MYOM2: variants seen among roughly 807,000 people sequenced by gnomAD.
MYOM2 encodes myomesin 2, also known as myomesin-2.
In MYOM2, 254 loss-of-function variants were observed where a neutral mutation model predicts 187.6. The observed-to-expected ratio is 1.35, with a 90% CI of 1.22 to 1.50. The LOEUF is 1.50. Among genes scored for constraint, MYOM2 ranks in the 40% most tolerant of loss-of-function variants. The pLI, the probability that MYOM2 is intolerant of heterozygous loss-of-function variation, is 0.00. For synonymous variants in MYOM2, 981 were observed against 753.8 expected, an observed-to-expected ratio of 1.30 and a Z score of -4.94; for missense variants, 2,796 against 1,924.0, an observed-to-expected ratio of 1.45 and a Z score of -8.48.
intron 6 of MYOM2, 112 bp from the exon 7 acceptor site, chr8:2,069,166 A>G: frequency 9.8e-7 from 1 of 1,024,308 alleles, no homozygotes; most frequent in Non-Finnish European, 1.4e-6. Context: ...TCACTCATGA[A>G]CAAATAAACC....
At chr8:2,114,259 G>A (rs113352593) in intron 25 of MYOM2, among the ~76,000 whole-genome samples, 1 of 152,216 alleles carries the variant, frequency 6.6e-6, no homozygotes, top group Non-Finnish European at 1.5e-5. Context: ...AAGCAGCAGA[G>A]AGGCAGGTAG....
At chr8:2,107,102 A>T (rs1041341660) in intron 23 of MYOM2, among the ~76,000 whole-genome samples, 1 of 152,162 alleles carries the variant, frequency 6.6e-6, no homozygotes. Flanking sequence ...ATCAAGGGGA[A>T]AAACAATAGT....
At chr8:2,139,284 G>T (rs550005072) in intron 32 of MYOM2, among the ~76,000 whole-genome samples, 1 of 152,250 alleles carries the variant, frequency 6.6e-6, no homozygotes, top group East Asian at 1.9e-4. Flanking sequence ...TGAGACTACA[G>T]GTGCTTGCCA....
chr8:2,066,282 C>T (rs1324881544), intron 6 of MYOM2, among the ~76,000 whole-genome samples: 1 of 152,204 alleles, frequency 6.6e-6, no homozygotes, highest in Non-Finnish European at 1.5e-5. Context: ...TCTGAGTCCA[C>T]CTGGCTTGTG....
At chr8:2,130,915 AATC>A (rs1797841549) in intron 32 of MYOM2, among the ~76,000 whole-genome samples, 1 of 152,204 alleles carries the variant, frequency 6.6e-6, no homozygotes, top group African/African-American at 2.4e-5. Flanking sequence ...AAGGAGAATT[AATC>A]ATCAGCATCT....
chr8:2,122,188 G>C (rs116471877), intron 28 of MYOM2, among the ~76,000 whole-genome samples: 7 of 152,208 alleles, frequency 4.6e-5, no homozygotes, highest in Non-Finnish European at 1.0e-4. Flanking sequence ...ATTTTGAAAT[G>C]TTAAAGTAAA....
intron 20 of MYOM2, chr8:2,101,934 T>G (rs1297869544): frequency 6.6e-6 from 1 of 152,276 alleles, no homozygotes; most frequent in Non-Finnish European, 1.5e-5. Context: ...GGGTCAGGTG[T>G]AAGGACTGAG....
chr8:2,133,918 A>G (rs1346032063), intron 32 of MYOM2, among the ~76,000 whole-genome samples: 1 of 124,066 alleles, frequency 8.1e-6, no homozygotes, highest in African/African-American at 3.9e-5. Context: ...TTGAGAAGAA[A>G]GTAAGGAGTT....
At chr8:2,069,579 G>T in intron 8 of MYOM2, 82 bp downstream of exon 8, 4 of 1,537,940 alleles carry the variant, frequency 2.6e-6, no homozygotes, top group Non-Finnish European at 3.6e-6. Context: ...TTTCCTAAGG[G>T]CCAAATCTTT....
In MYOM2 at chr8:2,100,116, CCTTCCTTCCTTCT is replaced by C. The variant is rs2116772628; in HGVS notation, c.2441-759_2441-747del. Among the ~76,000 whole-genome samples the C allele has an allele frequency of 1.2e-4, 12 of 98,698 alleles. No individual in the cohort carries two copies. In the South Asian group the frequency reaches 1.5e-3, roughly 12 times the overall value. The allele number at this position is 98,698 out of a possible 152,430, so 64.7% of individuals were successfully genotyped here. A position where few individuals can be genotyped will look rare whatever the true frequency, so the allele number is the denominator to read the frequency against. ...TCCTTCCTTCCTTCCTTCTTTCTTT[CCTTCCTTCCTTCT>C]TTCCTTCCTTCCTTCCTTCCTTCCT... On this transcript the variant is annotated intron_variant, in intron 19 of 36. Transcript: ENST00000262113.
In MYOM2 at chr8:2,144,908, T is replaced by C. The variant is rs1056380810; in HGVS notation, c.4325T>C (p.Ile1442Thr). 1 of 1,613,828 alleles carries C rather than the reference T, an allele frequency of 6.2e-7. No homozygotes were observed. Among genetic ancestry groups the C allele is most frequent in the Non-Finnish European group, 8.5e-7 (1 of 1,179,978 alleles). ...AGCGTGTACAAACACGGGGAGAAGA[T>C]CCCGGACATGGCCCCGCCCCAGCAA... ...TVSVYKHGEK[I>T]PDMAPPQQAK... The change falls in exon 37 of 37, where the codon ATC (isoleucine) becomes ACC (threonine). Residue 1442 changes from isoleucine (I) to threonine (T), a missense_variant. Ile to Thr is a moderately conservative substitution (Grantham distance 89). Coordinates refer to ENST00000262113, the MANE Select transcript of MYOM2 (RefSeq NM_003970.4).
Position 2,073,471 on chromosome 8 carries a change from G to C in MYOM2, c.1091G>C (p.Ser364Thr), listed in dbSNP as rs1464130805. ...CGCATCGTGTCTCGGGGCGGCGTCA[G>C]CGACCACAGCGCCTTCCTGTTTGTC... Reference protein sequence around the residue: ...TLRIVSRGGVSDHSAFLFVRD... With the variant: ...TLRIVSRGGVTDHSAFLFVRD... Residue 364 changes from serine to threonine, a missense_variant, in exon 10 of 37, where the codon AGC (serine) becomes ACC (threonine). Coordinates refer to ENST00000262113, the MANE Select transcript of MYOM2 (RefSeq NM_003970.4). The C allele has an allele frequency of 3.7e-6, 6 of 1,607,930 alleles. No homozygotes were observed. The highest frequency in any genetic ancestry group is 5.1e-6 in the Non-Finnish European group (6 of 1,179,450).
intron 16 of MYOM2, among the ~76,000 whole-genome samples, chr8:2,093,274 T>C (rs1796371118): frequency 6.6e-6 from 1 of 152,138 alleles, no homozygotes; most frequent in Non-Finnish European, 1.5e-5. Context: ...CCACAGCAAA[T>C]GCAGAAAGAT....
At chr8:2,131,567 C>G (rs905863021) in intron 32 of MYOM2, among the ~76,000 whole-genome samples, 3 of 151,598 alleles carry the variant, frequency 2.0e-5, no homozygotes, top group East Asian at 1.9e-4. Context: ...ATCCCACAGA[C>G]TTGTAAAAGT....
At chr8:2,116,309 C>G in intron 27 of MYOM2, 34 bp downstream of exon 27, 3 of 1,589,036 alleles carry the variant, frequency 1.9e-6, no homozygotes, top group Non-Finnish European at 2.6e-6. Flanking sequence ...CTCCCCTGCC[C>G]CTAGCATAAA....
chr8:2,129,043 G>T, intron 31 of MYOM2, 84 bp from the exon 32 acceptor site: 1 of 955,882 alleles, frequency 1.0e-6, no homozygotes, highest in South Asian at 1.4e-5. Context: ...GGTGGGGACA[G>T]GAGGGCTTGC....
chr8:2,050,818 C>T lies in MYOM2; in HGVS notation c.52C>T (p.Gln18Ter), dbSNP rs146720027. 7.5e-4 allele frequency: 1,216 copies of T among 1,613,596 alleles called. 2 individuals are homozygous for T. Among genetic ancestry groups the T allele is most frequent in the Admixed American group, 1.0e-3 (62 of 60,018 alleles). The change falls in exon 2 of 37, where the codon CAG becomes TAG. Residue 18 changes from glutamine (Q) to a stop codon, truncating the protein, a stop_gained. Transcript: ENST00000262113. LOFTEE classifies it high-confidence loss of function. ...FYQKRHRHFD[Q>*]SYRNIQTRYL... ...CCAGAAGAGACATAGGCACTTCGAC[C>T]AGTCCTACCGTAATATTCAAACACG...
chr8:2,101,720 G>A (rs376177513), intron 20 of MYOM2, among the ~76,000 whole-genome samples: 1 of 152,154 alleles, frequency 6.6e-6, no homozygotes, highest in South Asian at 2.1e-4. Context: ...CAAAGGGATG[G>A]TGCCTATTGT....
Position 2,100,145 on chromosome 8 carries a change from C to CT in MYOM2, c.2441-729dup, listed in dbSNP as rs1554426962. ...CCTTCCTTCTTTCCTTCCTTCCTTC[C>CT]TTCCTTCCTTCCTTCCTTCCTTCCT... On this transcript the variant is annotated intron_variant, in intron 19 of 36. Transcript: ENST00000262113. Among the ~76,000 whole-genome samples, 35 of 135,466 alleles carry CT rather than the reference C, an allele frequency of 2.6e-4. No homozygotes were observed. The East Asian group carries it at 7.2e-3, about 28-fold the overall frequency. The allele number at this position is 135,466 out of a possible 152,430, so 88.9% of individuals were successfully genotyped here. A position where few individuals can be genotyped will look rare whatever the true frequency, so the allele number is the denominator to read the frequency against.
Sources: gnomAD v4.1 joint callset for allele counts (sites outside exome capture counted in the v4.1 genomes callset) on GRCh38, gnomAD v4.1.1 for gene constraint, MANE v1.5 for transcripts, NCBI Gene and HGNC (gene_info 2026-07-23, HGNC 2026-07-21) for gene names.